TRRAP: variants seen among roughly 807,000 people sequenced by gnomAD.
The protein encoded by TRRAP is transformation/transcription domain-associated protein.
In TRRAP, 41 loss-of-function variants were observed where a neutral mutation model predicts 438.8. The ratio of observed to expected loss-of-function variants is 0.09; its 90% CI spans 0.07 to 0.12. TRRAP has a LOEUF of 0.12. Ranked by LOEUF, TRRAP falls within the 10% of genes least tolerant of loss-of-function variation. The probability of loss-of-function intolerance (pLI) is 1.00; values close to 1 mark genes in which losing one functional copy is unlikely to be tolerated. For missense variants in TRRAP, 3,122 were observed against 5,055.1 expected (o/e 0.62, Z 11.60); for synonymous variants, 1,994 against 1,962.9 (o/e 1.02, Z -0.42).
chr7:98,942,566 C>T (rs575989880), intron 30 of TRRAP, among the ~76,000 whole-genome samples: 2 of 152,188 alleles, frequency 1.3e-5, no homozygotes, highest in African/African-American at 2.4e-5. Flanking sequence ...CCACGGGCTC[C>T]GCAAGGAGAG....
In TRRAP at chr7:98,891,204, T is replaced by TATATATATATA. The variant is rs71799326; in HGVS notation, c.261+759_261+760insATATATATATA. On this transcript the variant is annotated intron_variant, in intron 4 of 72. Transcript: ENST00000456197. ...TTTAGAAATAGTCCATATATATATATTTTTTTTTTTTTTTTTTTTTTTTGG... is the reference window on the plus strand; with the variant it reads ...TTTAGAAATAGTCCATATATATATATATATATATATATTTTTTTTTTTTTTTTTTTTTTTGG... Among the ~76,000 whole-genome samples the TATATATATATA allele has an allele frequency of 9.9e-5, 7 of 70,354 alleles. 2 individuals are homozygous for TATATATATATA. The highest frequency in any genetic ancestry group is 1.6e-4 in the Non-Finnish European group (6 of 38,636). 46.2% of individuals were successfully genotyped at this position (70,354 alleles called of 152,430 possible). A position where few individuals can be genotyped will look rare whatever the true frequency, so the allele number is the denominator to read the frequency against.
chr7:99,000,937 G>A (rs965391391), intron 67 of TRRAP, among the ~76,000 whole-genome samples: 1 of 152,182 alleles, frequency 6.6e-6, no homozygotes, highest in African/African-American at 2.4e-5. Flanking sequence ...CCAACTTAGC[G>A]CTTTTGTAAT....
At chr7:98,903,675 C>T (rs1342057185) in intron 12 of TRRAP, among the ~76,000 whole-genome samples, 158 bp downstream of exon 12, 6 of 152,184 alleles carry the variant, frequency 3.9e-5, no homozygotes, top group Non-Finnish European at 8.8e-5. Flanking sequence ...TTCTCTCCCT[C>T]TCTGCCTCCC....
chr7:99,003,119 G>C (rs542212176), intron 67 of TRRAP, among the ~76,000 whole-genome samples: 1 of 151,988 alleles, frequency 6.6e-6, no homozygotes, highest in Non-Finnish European at 1.5e-5. Context: ...CCCCTGCTTT[G>C]CTGCAGTTTT....
intron 8 of TRRAP, among the ~76,000 whole-genome samples, chr7:98,898,540 A>C (rs1796328164): frequency 6.6e-6 from 1 of 152,248 alleles, no homozygotes; most frequent in Non-Finnish European, 1.5e-5. Context: ...AACTTTGAGT[A>C]ACGCTTTCCT....
chr7:99,010,553 T>C (rs1048664902), intron 70 of TRRAP, among the ~76,000 whole-genome samples: 3 of 152,202 alleles, frequency 2.0e-5, no homozygotes, highest in Non-Finnish European at 2.9e-5. Context: ...GAACTCTTAC[T>C]GAGTTGGTGA....
intron 53 of TRRAP, among the ~76,000 whole-genome samples, chr7:98,974,153 C>T (rs976493783): frequency 2.6e-5 from 4 of 152,064 alleles, no homozygotes; most frequent in African/African-American, 4.8e-5. Context: ...AGATGGGTGC[C>T]GGGGTAAAGC....
intron 47 of TRRAP, among the ~76,000 whole-genome samples, 192 bp from the exon 48 acceptor site, chr7:98,964,437 G>A (rs955921027): frequency 1.3e-5 from 2 of 152,218 alleles, no homozygotes; most frequent in Non-Finnish European, 2.9e-5. Context: ...ATTTGATCTA[G>A]TTGAGAATTA....
At chr7:98,963,486 G>A (rs759329232) in intron 47 of TRRAP, among the ~76,000 whole-genome samples, 13 of 152,180 alleles carry the variant, frequency 8.5e-5, no homozygotes, top group Non-Finnish European at 1.2e-4. Context: ...GTGGGGTGTC[G>A]AAGGCCGGGG....
chr7:98,947,604 C>T (rs1360236887), intron 33 of TRRAP, among the ~76,000 whole-genome samples: 1 of 152,018 alleles, frequency 6.6e-6, no homozygotes, highest in African/African-American at 2.4e-5. Flanking sequence ...TACAGGCGCC[C>T]GCCACCACGC....
At chr7:98,967,788 G>A in intron 51 of TRRAP, 90 bp downstream of exon 51, 1 of 1,145,850 alleles carries the variant, frequency 8.7e-7, no homozygotes, top group Non-Finnish European at 1.2e-6. Context: ...CACACACACT[G>A]AGATGAATTG....
chr7:98,893,777 T>A (rs1357117637), intron 5 of TRRAP, 21 bp from the exon 6 acceptor site: 2 of 1,608,186 alleles, frequency 1.2e-6, no homozygotes, highest in Admixed American at 1.7e-5. Flanking sequence ...AGTATAACTT[T>A]CATTAAATGC....
intron 65 of TRRAP, among the ~76,000 whole-genome samples, chr7:98,992,627 A>G (rs1793480690): frequency 6.6e-6 from 1 of 151,998 alleles, no homozygotes; most frequent in Admixed American, 6.6e-5. Context: ...GAGAAGAATC[A>G]GCATTGAAGT....
chr7:98,927,228 C>G lies in TRRAP; in HGVS notation c.3037C>G (p.Pro1013Ala). The change falls in exon 23 of 73, where the codon CCA becomes GCA. Residue 1013 changes from proline (P) to alanine (A), a missense_variant. Around this residue, in one of 24 missense-constraint regions of TRRAP, gnomAD observed 133 missense variants for 188.6 expected, o/e 0.71. Coordinates refer to ENST00000456197, the MANE Select transcript of TRRAP (RefSeq NM_001375524.1). ...ISHRYKAQDTPARKTFEQALT... is the reference protein window; with the variant it reads ...ISHRYKAQDTAARKTFEQALT... ...ACATCGCTACAAAGCCCAGGACACT[C>G]CAGCCCGGAAGACTTTTGAGCAGGC... is the stretch of plus-strand genomic sequence containing the variant. 6.2e-7 allele frequency: 1 copy of G among 1,614,226 alleles called. No homozygotes were observed. The highest frequency in any genetic ancestry group is 8.5e-7 in the Non-Finnish European group (1 of 1,180,046).
intron 53 of TRRAP, among the ~76,000 whole-genome samples, 193 bp downstream of exon 53, chr7:98,972,138 G>A (rs991394539): frequency 6.6e-6 from 1 of 152,150 alleles, no homozygotes; most frequent in Non-Finnish European, 1.5e-5. Context: ...AGTCTCCTGG[G>A]CCAAGCGATC....
At chr7:98,928,608 A>T (rs1183750891) in intron 23 of TRRAP, among the ~76,000 whole-genome samples, 1 of 152,132 alleles carries the variant, frequency 6.6e-6, no homozygotes, top group Non-Finnish European at 1.5e-5. Context: ...GCTGTGGCCG[A>T]CTGTTCTCTG....
At chr7:98,992,565 G>A (rs1243003959) in intron 65 of TRRAP, among the ~76,000 whole-genome samples, 1 of 149,734 alleles carries the variant, frequency 6.7e-6, no homozygotes, top group African/African-American at 2.5e-5. Context: ...GCTGCCGTGT[G>A]TGTGTGTGTG....
At chr7:98,925,009 A>G (rs1333394799) in intron 21 of TRRAP, 103 bp from the exon 22 acceptor site, 61 of 1,466,406 alleles carry the variant, frequency 4.2e-5, no homozygotes, top group Non-Finnish European at 5.2e-5. Flanking sequence ...CGTCTCAAAA[A>G]AAAAAAAAGA....
At chr7:98,933,428 T>C (rs1790415917) in intron 27 of TRRAP, 26 bp downstream of exon 27, 7 of 1,604,144 alleles carry the variant, frequency 4.4e-6, no homozygotes, top group East Asian at 2.2e-5. Context: ...TGCGGAGTGG[T>C]GTGGATGGTG....
Sources: gnomAD v4.1 joint callset for allele counts (sites outside exome capture counted in the v4.1 genomes callset) on GRCh38, gnomAD v4.1.1 for gene constraint, gnomAD v4.1.1 regional missense constraint, MANE v1.5 for transcripts, NCBI Gene and HGNC (gene_info 2026-07-23, HGNC 2026-07-21) for gene names.